The following AGBL1 variants were observed in gnomAD, a reference collection of about 807,000 sequenced individuals.
AGBL1 encodes cytosolic carboxypeptidase 4.
In AGBL1, 130 loss-of-function variants were observed where a neutral mutation model predicts 118.9. That is an observed-to-expected ratio of 1.09 (90% CI 0.95 to 1.26). The LOEUF (loss-of-function observed/expected upper bound fraction) is 1.26, where lower values mean the gene tolerates loss of function less well. Ranked by LOEUF, AGBL1 falls within the 50% of genes most tolerant of loss-of-function variation. AGBL1 has a pLI of 0.00. For synonymous variants in AGBL1, 555 were observed against 478.9 expected, an observed-to-expected ratio of 1.16 and a Z score of -2.08; for missense variants, 1,584 against 1,298.1, an observed-to-expected ratio of 1.22 and a Z score of -3.38.
At chr15:86,109,237 T>C (rs1381152896) in intron 1 of AGBL1, among the ~76,000 whole-genome samples, 1 of 150,646 alleles carries the variant, frequency 6.6e-6, no homozygotes. Context: ...CTGAAGCTTA[T>C]GCAACTTTGG....
intron 22 of AGBL1, among the ~76,000 whole-genome samples, chr15:86,707,286 A>T (rs2086467673): frequency 6.6e-6 from 1 of 152,162 alleles, no homozygotes; most frequent in Non-Finnish European, 1.5e-5. Flanking sequence ...AATAAAAATA[A>T]ATCCAGGTAT....
chr15:86,384,388 T>A (rs770872572), intron 17 of AGBL1, among the ~76,000 whole-genome samples: 33 of 152,124 alleles, frequency 2.2e-4, no homozygotes, highest in Non-Finnish European at 4.1e-4. Flanking sequence ...GCTGATAGAT[T>A]GATGGGGGCG....
intron 17 of AGBL1, among the ~76,000 whole-genome samples, chr15:86,377,720 G>C (rs2081059470): frequency 6.6e-6 from 1 of 152,122 alleles, no homozygotes. Flanking sequence ...CCTCGTCCAG[G>C]TGGGGGCTGC....
chr15:86,297,177 A>G (rs554170856), intron 17 of AGBL1: 3 of 152,290 alleles, frequency 2.0e-5, no homozygotes, highest in South Asian at 4.1e-4. Context: ...GGGTTATAGT[A>G]AGTGTACACT....
chr15:86,628,300 GT>G (rs2084917802), intron 21 of AGBL1, among the ~76,000 whole-genome samples: 1 of 152,146 alleles, frequency 6.6e-6, no homozygotes, highest in African/African-American at 2.4e-5. Flanking sequence ...CCCTAGGCAT[GT>G]GAAAATATCC....
chr15:86,263,504 G>GT (rs1434589658), intron 10 of AGBL1, among the ~76,000 whole-genome samples: 2 of 152,208 alleles, frequency 1.3e-5, no homozygotes, highest in African/African-American at 4.8e-5. Flanking sequence ...CTATTGTCTG[G>GT]TGGGCAGGGT....
chr15:86,816,777 G>A (rs946515475), intron 22 of AGBL1, among the ~76,000 whole-genome samples: 1 of 152,112 alleles, frequency 6.6e-6, no homozygotes, highest in Non-Finnish European at 1.5e-5. Context: ...GTAAGTGGGT[G>A]TAAATGACAA....
intron 21 of AGBL1, among the ~76,000 whole-genome samples, chr15:86,652,530 C>T (rs1273504021): frequency 6.6e-6 from 1 of 152,010 alleles, no homozygotes. Context: ...CTTTATATTT[C>T]ATAGTTATGT....
At chr15:86,982,856 T>C (rs1461834780) in intron 23 of AGBL1, among the ~76,000 whole-genome samples, 4 of 152,168 alleles carry the variant, frequency 2.6e-5, no homozygotes, top group Non-Finnish European at 4.4e-5. Context: ...GAGTCAAAAG[T>C]TATACAAGGA....
intron 18 of AGBL1, among the ~76,000 whole-genome samples, chr15:86,407,864 G>T (rs1183905367): frequency 2.0e-5 from 3 of 152,066 alleles, no homozygotes; most frequent in Non-Finnish European, 4.4e-5. Context: ...CCTTTCCCAT[G>T]ATTCGCTGGT....
intron 22 of AGBL1, among the ~76,000 whole-genome samples, chr15:86,790,637 C>T (rs757917462): frequency 8.1e-4 from 123 of 151,774 alleles, no homozygotes; most frequent in Non-Finnish European, 1.5e-3. Context: ...AAATGATTTC[C>T]ATTGGAATAC....
At chr15:86,706,286 G>A (rs1203189290) in intron 22 of AGBL1, among the ~76,000 whole-genome samples, 2 of 151,596 alleles carry the variant, frequency 1.3e-5, no homozygotes, top group Non-Finnish European at 2.9e-5. Context: ...AAATCCCAAG[G>A]GGTTTTTACA....
chr15:86,916,901 G>A (rs2080432089), downstream of AGBL1, among the ~76,000 whole-genome samples: 1 of 152,186 alleles, frequency 6.6e-6, no homozygotes, highest in Admixed American at 6.5e-5. Context: ...ACAGAGCAGA[G>A]CAGTGCCGTT....
chr15:86,242,745 A>T (rs940014581), intron 6 of AGBL1, among the ~76,000 whole-genome samples: 10 of 152,220 alleles, frequency 6.6e-5, no homozygotes, highest in Admixed American at 2.0e-4. Flanking sequence ...GCAGTCCCCA[A>T]ATATGGGAAA....
chr15:86,095,426 C>T (rs1233081089), intron 1 of AGBL1, among the ~76,000 whole-genome samples: 1 of 152,050 alleles, frequency 6.6e-6, no homozygotes, highest in Non-Finnish European at 1.5e-5. Context: ...CCTCCAGTCA[C>T]CAGCCATCTC....
At chr15:86,164,522 G>C (rs915134437) in intron 5 of AGBL1, among the ~76,000 whole-genome samples, 8 of 152,148 alleles carry the variant, frequency 5.3e-5, no homozygotes, top group African/African-American at 1.9e-4. Context: ...GTCATTCCCA[G>C]GATGGGCCTG....
intron 22 of AGBL1, among the ~76,000 whole-genome samples, chr15:86,741,406 A>AAAAAAAAAAAAAAAAAAAAAAAAAAT (rs2077676981): frequency 8.0e-6 from 1 of 124,918 alleles, no homozygotes; most frequent in African/African-American, 2.7e-5. Context: ...AAAAAAAAAA[A>AAAAAAAAAAAAAAAAAAAAAAAAAAT]AAAAAAAAAA....
intron 15 of AGBL1, among the ~76,000 whole-genome samples, chr15:86,278,467 A>G (rs897850616): frequency 1.0e-5 from 1 of 97,934 alleles, no homozygotes; most frequent in African/African-American, 5.5e-5. Context: ...CCACAAAACC[A>G]TGAGAAATAA....
At chr15:86,688,694 A>G (rs1447227477) in intron 22 of AGBL1, among the ~76,000 whole-genome samples, 1 of 152,184 alleles carries the variant, frequency 6.6e-6, no homozygotes, top group Non-Finnish European at 1.5e-5. Flanking sequence ...TGATTTTATT[A>G]TAGCTTTAAC....
Sources: gnomAD v4.1 joint callset for allele counts (sites outside exome capture counted in the v4.1 genomes callset) on GRCh38, gnomAD v4.1.1 for gene constraint, MANE v1.5 for transcripts, NCBI Gene and HGNC (gene_info 2026-07-23, HGNC 2026-07-21) for gene names.